Variants in ZNF91 observed in about 807,000 individuals in gnomAD.
The protein encoded by ZNF91 is zinc finger protein 91 (HPF7, HTF10).
Under a neutral mutation model 12.6 loss-of-function variants are expected in ZNF91, and 7 were observed. The ratio of observed to expected loss-of-function variants is 0.55; its 90% CI spans 0.31 to 1.04. The LOEUF is 1.04. ZNF91 is among the 50% of genes least tolerant of loss of function. The pLI is 0.05. For synonymous variants in ZNF91, 453 were observed against 462.6 expected (o/e 0.98, Z 0.27); for missense variants, 1,217 against 1,385.4 (o/e 0.88, Z 1.93).
chr19:23,381,348 G>T (rs150478149), intron 1 of ZNF91, among the ~76,000 whole-genome samples: 223 of 152,020 alleles, frequency 1.5e-3, no homozygotes, highest in African/African-American at 5.1e-3. Context: ...TATGAATGCA[G>T]GTTGTCTACA....
At chr19:23,338,473 A>C (rs1476935164), downstream of ZNF91, 2 of 152,134 alleles carry the variant, frequency 1.3e-5, no homozygotes, top group Non-Finnish European at 2.9e-5. Context: ...AATGCTGGGG[A>C]AACTAATTAC....
intron 1 of ZNF91, among the ~76,000 whole-genome samples, chr19:23,331,250 T>A (rs1467312067): frequency 6.6e-6 from 1 of 151,142 alleles, no homozygotes; most frequent in African/African-American, 2.4e-5. Flanking sequence ...TGAATGAAAG[T>A]TGAATATATT....
downstream of ZNF91, among the ~76,000 whole-genome samples, chr19:23,355,878 G>A (rs1968472532): frequency 6.6e-6 from 1 of 152,000 alleles, no homozygotes; most frequent in African/African-American, 2.4e-5. Context: ...ATATACAAAT[G>A]GCCAACAAAC....
chr19:23,395,263 C>T, intron 1 of ZNF91, 62 bp downstream of exon 1: 1 of 1,593,910 alleles, frequency 6.3e-7, no homozygotes. Context: ...GCCACAGCCG[C>T]ATCCCACCGG....
chr19:23,341,403 T>C (rs773227582), intron 3 of ZNF91, among the ~76,000 whole-genome samples: 4 of 152,116 alleles, frequency 2.6e-5, no homozygotes, highest in Non-Finnish European at 4.4e-5. Flanking sequence ...CAAAGAAAAA[T>C]AGTTTATTAT....
chr19:23,357,072 C>G (rs1599715326), downstream of ZNF91, among the ~76,000 whole-genome samples: 1 of 152,150 alleles, frequency 6.6e-6, no homozygotes, highest in Admixed American at 6.5e-5. Flanking sequence ...ACTAAAAATA[C>G]AAAAATGAGC....
At chr19:23,318,280 C>G (rs928808441) in intron 1 of ZNF91, among the ~76,000 whole-genome samples, 3 of 152,050 alleles carry the variant, frequency 2.0e-5, no homozygotes, top group Non-Finnish European at 4.4e-5. Context: ...CCTGCCTGGT[C>G]CCTGCCTACA....
intron 3 of ZNF91, among the ~76,000 whole-genome samples, chr19:23,345,386 T>C (rs553850432): frequency 2.6e-5 from 4 of 152,260 alleles, no homozygotes; most frequent in African/African-American, 9.6e-5. Flanking sequence ...ACAATACGAA[T>C]TGGATAATGG....
intron 1 of ZNF91, among the ~76,000 whole-genome samples, chr19:23,323,069 C>T (rs565744181): frequency 6.7e-6 from 1 of 148,990 alleles, no homozygotes; most frequent in East Asian, 2.0e-4. Context: ...CTCATCCTCC[C>T]GTTTTTTTCT....
upstream of ZNF91, among the ~76,000 whole-genome samples, chr19:23,314,590 C>T (rs1265122142): frequency 6.6e-6 from 1 of 152,120 alleles, no homozygotes; most frequent in Non-Finnish European, 1.5e-5. Context: ...ATGCCTGGGC[C>T]CTGCTCACTG....
chr19:23,389,402 CAA>C (rs34173990), intron 1 of ZNF91, among the ~76,000 whole-genome samples: 14,371 of 111,798 alleles, frequency 0.13, 1,019 homozygotes, highest in East Asian at 0.45. Context: ...AAGTTTTTGG[CAA>C]AAAAAAAAAA....
intron 3 of ZNF91, among the ~76,000 whole-genome samples, chr19:23,364,110 G>A (rs1968909830): frequency 6.6e-6 from 1 of 152,190 alleles, no homozygotes; most frequent in Non-Finnish European, 1.5e-5. Flanking sequence ...CCTAAGGTCA[G>A]GAGTTCAAGG....
chr19:23,345,218 C>T (rs1968198362), intron 3 of ZNF91, among the ~76,000 whole-genome samples: 1 of 152,192 alleles, frequency 6.6e-6, no homozygotes, highest in Non-Finnish European at 1.5e-5. Flanking sequence ...GGATGGTCCC[C>T]TTTTCCCTGT....
chr19:23,377,115 G>C (rs545119584), intron 1 of ZNF91, among the ~76,000 whole-genome samples: 1 of 151,400 alleles, frequency 6.6e-6, no homozygotes, highest in Non-Finnish European at 1.5e-5. Context: ...CCCCTGCTAC[G>C]GACATCAGCA....
At chr19:23,377,909 A>T (rs1969561438) in intron 1 of ZNF91, among the ~76,000 whole-genome samples, 1 of 152,204 alleles carries the variant, frequency 6.6e-6, no homozygotes, top group Admixed American at 6.5e-5. Context: ...AATAATCCCA[A>T]GGATTTAGAA....
rs577541958 is a variant in ZNF91 at position 23,377,114 on chromosome 19, C to T, written c.31-2350G>A. Reference sequence around the variant, plus strand: ...TGTCCTCAGGTGCCCTCCCCTGCTACGGACATCAGCAATTTCTGCTACAGT... The same window carrying T: ...TGTCCTCAGGTGCCCTCCCCTGCTATGGACATCAGCAATTTCTGCTACAGT... On this transcript the variant is annotated intron_variant, in intron 1 of 3. Coordinates refer to ENST00000300619, the MANE Select transcript of ZNF91 (RefSeq NM_003430.4). Among the ~76,000 whole-genome samples, 69 of 151,934 alleles carry T rather than the reference C, an allele frequency of 4.5e-4. 1 individual carries two copies. In the Middle Eastern group the frequency reaches 0.014, roughly 30 times the overall value.
chr19:23,318,370 T>G (rs1967613980), intron 1 of ZNF91, among the ~76,000 whole-genome samples: 1 of 152,108 alleles, frequency 6.6e-6, no homozygotes, highest in Non-Finnish European at 1.5e-5. Flanking sequence ...CAGGGGATAT[T>G]GTGACTCATC....
At chr19:23,330,867 G>A (rs1331094287) in intron 1 of ZNF91, among the ~76,000 whole-genome samples, 2 of 152,074 alleles carry the variant, frequency 1.3e-5, no homozygotes, top group Admixed American at 6.6e-5. Context: ...TGACCCAAGC[G>A]TATGCATGCA....
chr19:23,305,368 A>G (rs1967383763), intron 3 of ZNF91, among the ~76,000 whole-genome samples: 1 of 152,168 alleles, frequency 6.6e-6, no homozygotes, highest in African/African-American at 2.4e-5. Context: ...GATTATTTCA[A>G]TCAGCCAATT....
Sources: gnomAD v4.1 joint callset for allele counts (sites outside exome capture counted in the v4.1 genomes callset) on GRCh38, gnomAD v4.1.1 for gene constraint, MANE v1.5 for transcripts, NCBI Gene and HGNC (gene_info 2026-07-23, HGNC 2026-07-21) for gene names.